SRGAP3: variants seen among roughly 807,000 people sequenced by gnomAD.
SRGAP3 encodes the protein SLIT-ROBO Rho GTPase activating protein 3.
In SRGAP3, 39 loss-of-function variants were observed where a neutral mutation model predicts 121.1. The ratio of observed to expected loss-of-function variants is 0.32; its 90% CI spans 0.25 to 0.42. SRGAP3 has a LOEUF of 0.42. SRGAP3 is among the 10% of genes least tolerant of loss of function. SRGAP3 has a pLI of 1.00. For synonymous variants in SRGAP3, 601 were observed against 570.0 expected, an observed-to-expected ratio of 1.05 and a Z score of -0.77; for missense variants, 1,213 against 1,470.6, an observed-to-expected ratio of 0.82 and a Z score of 2.86.
chr3:9,109,755 G>C lies in SRGAP3; in HGVS notation c.261-4913C>G, dbSNP rs578142659. ...GAGGTTGGTCATGCATGGCTTCCTG[G>C]AGGAAACGCTTTCTAGACTGAGAAC... On this transcript the variant is annotated intron_variant, in intron 2 of 21. Coordinates refer to ENST00000383836, the MANE Select transcript of SRGAP3 (RefSeq NM_014850.4). The surrounding 1 kb of genome is among the most constrained non-coding windows in gnomAD (Gnocchi z 4.4). 2.3e-4 allele frequency among the ~76,000 whole-genome samples: 35 copies of C among 152,268 alleles called. No individual in the cohort carries two copies. The South Asian group carries it at 7.3e-3, about 32-fold the overall frequency.
intron 1 of SRGAP3, among the ~76,000 whole-genome samples, chr3:9,354,036 T>C (rs1337608096): frequency 6.6e-6 from 1 of 152,124 alleles, no homozygotes; most frequent in Non-Finnish European, 1.5e-5. Flanking sequence ...CAAGAAGATG[T>C]TTAATACTAA....
At chr3:9,094,525 C>G (rs75575815) in intron 3 of SRGAP3, among the ~76,000 whole-genome samples, 2,623 of 152,220 alleles carry the variant, frequency 0.017, 74 homozygotes, top group African/African-American at 0.059. Flanking sequence ...CATACCCCTT[C>G]CAGCACTGTT....
At chr3:9,331,094 A>C (rs1955597820) in intron 1 of SRGAP3, among the ~76,000 whole-genome samples, 1 of 152,242 alleles carries the variant, frequency 6.6e-6, no homozygotes, top group African/African-American at 2.4e-5. Flanking sequence ...GTAACTTGAA[A>C]TTAGCTTTTT....
intron 4 of SRGAP3, among the ~76,000 whole-genome samples, chr3:9,078,157 G>C (rs898416778): frequency 1.3e-5 from 2 of 152,162 alleles, no homozygotes; most frequent in African/African-American, 4.8e-5. Flanking sequence ...AGGGATTGCA[G>C]GGAAAAAGCA....
chr3:9,357,113 A>C (rs1233557430), intron 1 of SRGAP3, among the ~76,000 whole-genome samples: 1 of 151,990 alleles, frequency 6.6e-6, no homozygotes, highest in Non-Finnish European at 1.5e-5. Flanking sequence ...AAGTACAAAA[A>C]TTAGCCAAGC....
At chr3:9,165,553 T>C (rs1950756575) in intron 1 of SRGAP3, among the ~76,000 whole-genome samples, 1 of 152,244 alleles carries the variant, frequency 6.6e-6, no homozygotes, top group Non-Finnish European at 1.5e-5. Flanking sequence ...TCCAGGGTTC[T>C]GATCACGTCA....
intron 1 of SRGAP3, among the ~76,000 whole-genome samples, chr3:9,207,507 C>T (rs898147198): frequency 1.3e-5 from 2 of 152,138 alleles, no homozygotes; most frequent in South Asian, 4.1e-4. Context: ...CCCTGGGAAG[C>T]AAACTCGGAG....
In SRGAP3 at chr3:8,985,661, C is replaced by T. The variant is rs575647975; in HGVS notation, c.3158G>A (p.Arg1053His). The change falls in exon 22 of 22, where the codon CGC (arginine) becomes CAC (histidine). Residue 1053 changes from arginine to histidine, a missense_variant. Arg to His is a conservative substitution (Grantham distance 29). This residue lies in a region of SRGAP3 where 420 missense variants were observed against 437.7 expected (regional missense o/e 0.96). Transcript: ENST00000383836. This position sits in a 1 kb window ranked among gnomAD's most constrained non-coding sequence, Gnocchi z 5.1. ...CCGCACGGGCCGCATGGGGGGCGGG[C>T]GGAGCTGGGCGCCAGCCAGGCGGGC... ...LSARLAGAQLRPPPMRPVRPV... is the reference protein window; with the variant it reads ...LSARLAGAQLHPPPMRPVRPV... 2.5e-6 allele frequency: 4 copies of T among 1,595,764 alleles called. No individual in the cohort carries two copies. The African/African-American group carries it at 5.3e-5, about 21-fold the overall frequency.
intron 18 of SRGAP3, among the ~76,000 whole-genome samples, chr3:8,997,715 T>C (rs1362688867): frequency 6.6e-6 from 1 of 152,226 alleles, no homozygotes; most frequent in African/African-American, 2.4e-5. Flanking sequence ...ACAGTGAACA[T>C]GCATGGAACA....
intron 21 of SRGAP3, among the ~76,000 whole-genome samples, chr3:8,989,540 A>C (rs2124921129): frequency 6.6e-6 from 1 of 152,272 alleles, no homozygotes; most frequent in Middle Eastern, 3.4e-3. Context: ...TCCACAGTAA[A>C]ATTCTCACAG....
At chr3:9,213,136 G>A (rs556532944) in intron 1 of SRGAP3, among the ~76,000 whole-genome samples, 40 of 152,288 alleles carry the variant, frequency 2.6e-4, no homozygotes, top group Non-Finnish European at 4.1e-4. Flanking sequence ...CTGGGATCAC[G>A]GCTGCTCCTG....
chr3:9,232,722 C>G (rs992538284), intron 1 of SRGAP3, among the ~76,000 whole-genome samples: 7 of 152,112 alleles, frequency 4.6e-5, no homozygotes, highest in African/African-American at 1.7e-4. Context: ...ATGCAGATTC[C>G]CAGGGTCCAC....
intron 4 of SRGAP3, among the ~76,000 whole-genome samples, chr3:9,066,828 T>C (rs569532387): frequency 5.3e-5 from 8 of 152,328 alleles, no homozygotes; most frequent in Admixed American, 1.3e-4. Flanking sequence ...AATCACAGCA[T>C]TGATTCATTG....
At chr3:9,329,498 T>G (rs1955570482) in intron 2 of SRGAP3, among the ~76,000 whole-genome samples, 1 of 152,234 alleles carries the variant, frequency 6.6e-6, no homozygotes, top group South Asian at 2.1e-4. Flanking sequence ...AGGCTTACAT[T>G]TGCCCTCAGA....
rs1008223643 is a variant in SRGAP3 at position 9,136,268 on chromosome 3, A to G, written c.68-11351T>C. Among the ~76,000 whole-genome samples, 18 of 152,160 alleles carry G rather than the reference A, an allele frequency of 1.2e-4. 1 individual carries two copies. The East Asian group carries it at 2.5e-3, about 21-fold the overall frequency. On this transcript the variant is annotated intron_variant, in intron 1 of 21. Transcript: ENST00000383836. ...CCTTCTCCTAGCCTCCTGTACACCG[A>G]GAGGCGGCTTCCGGGACGGCCCCGA...
At chr3:9,317,182 TTGCTC>T (rs893277805) in intron 3 of SRGAP3, among the ~76,000 whole-genome samples, 1 of 152,206 alleles carries the variant, frequency 6.6e-6, no homozygotes, top group South Asian at 2.1e-4. Context: ...AAAAGCGCCT[TTGCTC>T]TGCAGCCTTG....
At chr3:9,194,057 C>T (rs949551472) in intron 1 of SRGAP3, 1 of 152,246 alleles carries the variant, frequency 6.6e-6, no homozygotes, top group African/African-American at 2.4e-5. Flanking sequence ...GTTACAAAGG[C>T]CTGAGTTGCA....
chr3:9,259,292 T>A (rs1046491815), intron 3 of SRGAP3, among the ~76,000 whole-genome samples: 2 of 152,114 alleles, frequency 1.3e-5, no homozygotes, highest in African/African-American at 4.8e-5. Flanking sequence ...TTTTCTTTTT[T>A]TTTAGAGAGA....
At chr3:9,243,858 T>C (rs1265278479) in intron 1 of SRGAP3, among the ~76,000 whole-genome samples, 1 of 152,220 alleles carries the variant, frequency 6.6e-6, no homozygotes, top group Non-Finnish European at 1.5e-5. Flanking sequence ...TCAGGAAGCA[T>C]AGTGTTTTTA....
Sources: gnomAD v4.1 joint callset for allele counts (sites outside exome capture counted in the v4.1 genomes callset) on GRCh38, gnomAD v4.1.1 for gene constraint, gnomAD v4.1.1 regional missense constraint, Gnocchi (gnomAD v3.1) non-coding constraint, MANE v1.5 for transcripts, NCBI Gene and HGNC (gene_info 2026-07-23, HGNC 2026-07-21) for gene names.